The following MYRIP variants were observed in gnomAD, a reference collection of about 807,000 sequenced individuals.
MYRIP encodes the protein myosin VIIA and Rab interacting protein.
Under a neutral mutation model 98.0 loss-of-function variants are expected in MYRIP, and 49 were observed. The observed-to-expected ratio is 0.50, with a 90% CI of 0.40 to 0.63. The LOEUF (loss-of-function observed/expected upper bound fraction) is 0.63, where lower values mean the gene tolerates loss of function less well. MYRIP is among the 30% of genes least tolerant of loss of function. The pLI is 0.00. For missense variants in MYRIP, 1,004 were observed against 1,058.2 expected (o/e 0.95, Z 0.71); for synonymous variants, 404 against 409.5 (o/e 0.99, Z 0.16).
At chr3:40,122,442 T>C (rs1273859832) in intron 3 of MYRIP, among the ~76,000 whole-genome samples, 1 of 151,610 alleles carries the variant, frequency 6.6e-6, no homozygotes, top group African/African-American at 2.4e-5. Context: ...TTATTCATGC[T>C]TCTTGTAGAA....
chr3:39,937,167 GGCCCATC>G (rs1192066802), intron 2 of MYRIP, among the ~76,000 whole-genome samples: 2 of 152,136 alleles, frequency 1.3e-5, no homozygotes, highest in African/African-American at 4.8e-5. Context: ...GACTATGGAT[GGCCCATC>G]CCCTGCCTTC....
intron 3 of MYRIP, among the ~76,000 whole-genome samples, chr3:40,047,969 G>A (rs1399022969): frequency 2.0e-5 from 3 of 152,132 alleles, no homozygotes; most frequent in Non-Finnish European, 4.4e-5. Flanking sequence ...GAATATTGTG[G>A]CAGTATGGAC....
Position 40,012,951 on chromosome 3 carries a change from C to T in MYRIP, c.111-31099C>T, listed in dbSNP as rs193070439. 1.2e-4 allele frequency among the ~76,000 whole-genome samples: 19 copies of T among 152,324 alleles called. No homozygotes were observed. The East Asian group carries it at 3.7e-3, about 29-fold the overall frequency. On this transcript the variant is annotated intron_variant, in intron 2 of 16. Transcript: ENST00000302541. ...GTTCAGTTTCTCTGGAAAACCACAT[C>T]ACACCTGCATTCCACTCCTCTTCCT... is the stretch of plus-strand genomic sequence containing the variant.
intron 2 of MYRIP, among the ~76,000 whole-genome samples, chr3:39,989,547 G>A (rs1027324611): frequency 1.3e-5 from 2 of 152,238 alleles, no homozygotes; most frequent in African/African-American, 4.8e-5. Context: ...GTCCCTTGGT[G>A]GATTGGGCGT....
chr3:39,971,332 T>C (rs1012882365), intron 2 of MYRIP, among the ~76,000 whole-genome samples: 1 of 152,052 alleles, frequency 6.6e-6, no homozygotes, highest in African/African-American at 2.4e-5. Context: ...CTCAGGTATC[T>C]GCTTCTTTCT....
chr3:39,956,177 C>T (rs990068784), intron 2 of MYRIP, among the ~76,000 whole-genome samples: 1 of 152,144 alleles, frequency 6.6e-6, no homozygotes, highest in African/African-American at 2.4e-5. Context: ...ACCAAGGAGA[C>T]CTAATAGACA....
chr3:40,100,197 A>T (rs555031560), intron 3 of MYRIP: 1 of 985,438 alleles, frequency 1.0e-6, no homozygotes, highest in African/African-American at 1.7e-5. Context: ...TTCTCAAGAC[A>T]CGTGAGCTAA....
At chr3:39,879,261 T>C (rs1033035035) in intron 1 of MYRIP, among the ~76,000 whole-genome samples, 7 of 152,052 alleles carry the variant, frequency 4.6e-5, no homozygotes, top group Non-Finnish European at 8.8e-5. Flanking sequence ...ATTTCATTTA[T>C]ATAATAGCTC....
At chr3:39,875,287 A>G in intron 1 of MYRIP, among the ~76,000 whole-genome samples, 1 of 152,178 alleles carries the variant, frequency 6.6e-6, no homozygotes, top group Non-Finnish European at 1.5e-5. Context: ...CTTTCAAAAA[A>G]GCAGCTCCTG....
At chr3:40,067,747 A>G (rs941620938) in intron 3 of MYRIP, among the ~76,000 whole-genome samples, 1 of 117,844 alleles carries the variant, frequency 8.5e-6, no homozygotes, top group African/African-American at 3.3e-5. Flanking sequence ...ATACCCTGAA[A>G]TGAGGTCTAA....
chr3:39,829,658 A>C (rs560975884), intron 1 of MYRIP, among the ~76,000 whole-genome samples: 1 of 152,254 alleles, frequency 6.6e-6, no homozygotes, highest in South Asian at 2.1e-4. Context: ...GGTTGGGGCC[A>C]TGGGGCTGTT....
chr3:39,930,934 T>C (rs548540864), intron 2 of MYRIP, among the ~76,000 whole-genome samples: 5 of 152,258 alleles, frequency 3.3e-5, no homozygotes, highest in African/African-American at 9.6e-5. Flanking sequence ...TTGTAGTAAG[T>C]TTTGAAATTG....
chr3:39,995,840 C>G (rs967811079), intron 2 of MYRIP, among the ~76,000 whole-genome samples: 1 of 152,130 alleles, frequency 6.6e-6, no homozygotes, highest in Non-Finnish European at 1.5e-5. Context: ...CTGATCTCTT[C>G]GCAGAAACTC....
chr3:39,877,424 T>TA (rs1943030434), intron 1 of MYRIP, among the ~76,000 whole-genome samples: 1 of 152,080 alleles, frequency 6.6e-6, no homozygotes, highest in African/African-American at 2.4e-5. Context: ...CGCTCTGCTT[T>TA]TTAGAGTTTC....
intron 1 of MYRIP, among the ~76,000 whole-genome samples, chr3:39,821,338 C>T (rs1941097168): frequency 6.6e-6 from 1 of 152,066 alleles, no homozygotes; most frequent in South Asian, 2.1e-4. Flanking sequence ...TGTACCACCC[C>T]GCCCCGACTT....
At chr3:40,184,628 A>G (rs907625378) in intron 9 of MYRIP, among the ~76,000 whole-genome samples, 2 of 151,606 alleles carry the variant, frequency 1.3e-5, no homozygotes, top group Non-Finnish European at 2.9e-5. Context: ...AAAAATTCAG[A>G]CTTGCAAAGT....
chr3:39,917,630 C>T (rs1338364976), intron 2 of MYRIP, among the ~76,000 whole-genome samples: 1 of 151,776 alleles, frequency 6.6e-6, no homozygotes, highest in Non-Finnish European at 1.5e-5. Flanking sequence ...TAAGAGAGAT[C>T]AGAGACTAGA....
At position 40,244,456 on chromosome 3, in the gene MYRIP, C is replaced by A. The variant is rs1385926765; in HGVS notation, c.2111C>A (p.Ala704Glu). 1 of 1,611,952 alleles carries A rather than the reference C, an allele frequency of 6.2e-7. No homozygotes were observed. The highest frequency in any genetic ancestry group is 1.3e-5 in the African/African-American group (1 of 74,830). ...GCACTGTCTCTACAGGTATACCTGG[C>A]AGCAGGCACTGTGTATGGACTGGAG... ...LTSLEENVYL[A>E]AGTVYGLETQ... The change falls in exon 13 of 17, where the codon GCA becomes GAA. Residue 704 changes from alanine to glutamate, a missense_variant. Around this residue, in one of 3 missense-constraint regions of MYRIP, gnomAD observed 880 missense variants for 907.7 expected, o/e 0.97. Transcript: ENST00000302541.
At chr3:39,815,399 A>ATGTG (rs772232777) in intron 1 of MYRIP, among the ~76,000 whole-genome samples, 263 of 151,642 alleles carry the variant, frequency 1.7e-3, no homozygotes, top group African/African-American at 6.0e-3. Flanking sequence ...CATCATATAT[A>ATGTG]TGTGTGTGTG....
Sources: gnomAD v4.1 joint callset for allele counts (sites outside exome capture counted in the v4.1 genomes callset) on GRCh38, gnomAD v4.1.1 for gene constraint, gnomAD v4.1.1 regional missense constraint, MANE v1.5 for transcripts, NCBI Gene and HGNC (gene_info 2026-07-23, HGNC 2026-07-21) for gene names.